The following NTM variants were observed in gnomAD, a reference collection of about 807,000 sequenced individuals.
NTM encodes neurotrimin, also known as IgLON family member 2.
Under a neutral mutation model 42.1 loss-of-function variants are expected in NTM, and 13 were observed. That is an observed-to-expected ratio of 0.31 (90% confidence interval 0.20 to 0.49). The LOEUF is 0.49. Ranked by LOEUF, NTM falls within the 20% of genes least tolerant of loss-of-function variation. The pLI, the probability that NTM is intolerant of heterozygous loss-of-function variation, is 0.99. For missense variants in NTM, 373 were observed against 452.8 expected (o/e 0.82, Z 1.60); for synonymous variants, 187 against 179.2 (o/e 1.04, Z -0.35).
intron 2 of NTM, among the ~76,000 whole-genome samples, chr11:131,936,686 AAC>A (rs1480358979): frequency 1.3e-5 from 2 of 152,292 alleles, no homozygotes; most frequent in South Asian, 4.1e-4. Flanking sequence ...TACACACACA[AAC>A]ACACACAAAC....
intron 1 of NTM, among the ~76,000 whole-genome samples, chr11:131,721,866 G>A (rs1173108042): frequency 3.3e-5 from 5 of 151,882 alleles, no homozygotes; most frequent in South Asian, 2.1e-4. Context: ...AGGCGTGGTC[G>A]TGGGCGCCTG....
intron 2 of NTM, among the ~76,000 whole-genome samples, chr11:132,046,600 C>T (rs1330628343): frequency 6.6e-6 from 1 of 152,142 alleles, no homozygotes; most frequent in African/African-American, 2.4e-5. Context: ...CAGTGTCAGG[C>T]TTTCACCTGT....
At position 131,988,287 on chromosome 11, in the gene NTM, A is replaced by T. The variant is rs188819126; in HGVS notation, c.167+76639A>T. ...ATAGAACTTTTGGGAGACAAAAACC[A>T]TTCAGACTGTAGCATTGAAGGTTAT... On this transcript the variant is annotated intron_variant, in intron 2 of 8. Transcript: ENST00000683400. 4.6e-5 allele frequency among the ~76,000 whole-genome samples: 7 copies of T among 152,318 alleles called. No homozygotes were observed. The East Asian group carries it at 9.6e-4, about 21-fold the overall frequency.
At chr11:131,560,325 C>T (rs990730815) in intron 1 of NTM, among the ~76,000 whole-genome samples, 1 of 152,088 alleles carries the variant, frequency 6.6e-6, no homozygotes, top group Non-Finnish European at 1.5e-5. Context: ...CGCAGATCCC[C>T]GTAGTCATAA....
chr11:131,851,299 G>A (rs1026347718), intron 1 of NTM, among the ~76,000 whole-genome samples: 5 of 152,214 alleles, frequency 3.3e-5, no homozygotes, highest in South Asian at 4.2e-4. Context: ...AAGGAGGCTT[G>A]GGAGGGTGTA....
intron 1 of NTM, among the ~76,000 whole-genome samples, chr11:131,624,318 G>A (rs1368319006): frequency 6.6e-6 from 1 of 152,180 alleles, no homozygotes; most frequent in African/African-American, 2.4e-5. Flanking sequence ...TCAGCACTGT[G>A]ATCTCAGGCA....
intron 2 of NTM, among the ~76,000 whole-genome samples, chr11:131,998,047 C>T (rs34296084): frequency 0.33 from 49,616 of 151,798 alleles, 10,124 homozygotes; most frequent in African/African-American, 0.58. Context: ...TGGTGTTCCC[C>T]TCCTCTTTCC....
chr11:132,157,774 C>T (rs1425750140), intron 3 of NTM, among the ~76,000 whole-genome samples: 2 of 152,176 alleles, frequency 1.3e-5, no homozygotes, highest in East Asian at 3.9e-4. Flanking sequence ...TGACTCCAAC[C>T]CTAAACCTGC....
chr11:131,740,396 T>A (rs1046675338), intron 1 of NTM, among the ~76,000 whole-genome samples: 2 of 152,228 alleles, frequency 1.3e-5, no homozygotes, highest in Non-Finnish European at 2.9e-5. Flanking sequence ...GTTCCATTTT[T>A]AAATTAATAA....
At chr11:131,924,944 C>T (rs2057745226) in intron 2 of NTM, among the ~76,000 whole-genome samples, 1 of 152,212 alleles carries the variant, frequency 6.6e-6, no homozygotes, top group South Asian at 2.1e-4. Context: ...CTTGGCAAGA[C>T]TTTTGGTGAT....
At chr11:131,572,567 T>C (rs1427971317) in intron 1 of NTM, among the ~76,000 whole-genome samples, 2 of 152,114 alleles carry the variant, frequency 1.3e-5, no homozygotes, top group Admixed American at 6.5e-5. Flanking sequence ...ATGTAGAGCA[T>C]GTTTCTCTTT....
intron 1 of NTM, among the ~76,000 whole-genome samples, chr11:131,852,036 G>A (rs1339087947): frequency 6.6e-6 from 1 of 152,136 alleles, no homozygotes; most frequent in Non-Finnish European, 1.5e-5. Flanking sequence ...TACTGGACTC[G>A]CAGATAGAAT....
At chr11:131,631,847 T>G (rs1247812156) in intron 1 of NTM, among the ~76,000 whole-genome samples, 3 of 152,258 alleles carry the variant, frequency 2.0e-5, no homozygotes, top group Non-Finnish European at 4.4e-5. Flanking sequence ...TTTCAAATTC[T>G]GGTAAACACT....
At chr11:131,665,049 C>T (rs752918638) in intron 1 of NTM, among the ~76,000 whole-genome samples, 2 of 152,120 alleles carry the variant, frequency 1.3e-5, no homozygotes, top group Non-Finnish European at 2.9e-5. Context: ...TAGGGAGAAC[C>T]GTGCTCTAAA....
chr11:131,396,128 G>T (rs1038602595), intron 1 of NTM, among the ~76,000 whole-genome samples: 2 of 152,194 alleles, frequency 1.3e-5, no homozygotes, highest in African/African-American at 2.4e-5. Context: ...GTCAGGTAAA[G>T]AATTATCTTT....
intron 1 of NTM, among the ~76,000 whole-genome samples, chr11:131,703,089 C>T (rs1231536422): frequency 6.6e-6 from 1 of 152,130 alleles, no homozygotes; most frequent in African/African-American, 2.4e-5. Context: ...AGTAAAAAAG[C>T]AAAGCCATTA....
At chr11:131,711,889 A>C (rs1392571523) in intron 1 of NTM, among the ~76,000 whole-genome samples, 6 of 149,592 alleles carry the variant, frequency 4.0e-5, no homozygotes, top group Non-Finnish European at 8.9e-5. Context: ...GGACAAAAAA[A>C]CCAAACACCG....
intron 2 of NTM, among the ~76,000 whole-genome samples, chr11:131,960,067 C>T (rs2061982768): frequency 6.6e-6 from 1 of 152,120 alleles, no homozygotes; most frequent in Non-Finnish European, 1.5e-5. Flanking sequence ...ATTTGAATTC[C>T]TTCCAGGGCA....
intron 1 of NTM, chr11:131,794,434 C>T (rs148462184): frequency 1.4e-5 from 14 of 974,904 alleles, no homozygotes; most frequent in South Asian, 9.5e-5. Flanking sequence ...TCTGTGTAAG[C>T]GAATGCTGTC....
Sources: allele counts gnomAD v4.1 joint callset (sites outside exome capture counted in the v4.1 genomes callset), GRCh38; gene constraint gnomAD v4.1.1; transcripts MANE v1.5; gene names NCBI Gene and HGNC (gene_info 2026-07-23, HGNC 2026-07-21).